Variants in SRGAP3 observed in about 807,000 individuals in gnomAD.
SRGAP3 encodes SLIT-ROBO Rho GTPase activating protein 3.
SRGAP3 carries 39 observed loss-of-function variants against 121.1 expected under a neutral mutation model. The ratio of observed to expected loss-of-function variants is 0.32; its 90% CI spans 0.25 to 0.42. The LOEUF (loss-of-function observed/expected upper bound fraction) is 0.42, where lower values mean the gene tolerates loss of function less well. Ranked by LOEUF, SRGAP3 falls within the 10% of genes least tolerant of loss-of-function variation. SRGAP3 has a pLI of 1.00. For missense variants in SRGAP3, 1,213 were observed against 1,470.6 expected (o/e 0.82, Z 2.86); for synonymous variants, 601 against 570.0 (o/e 1.05, Z -0.77).
At chr3:9,237,279 G>A (rs1953448643) in intron 1 of SRGAP3, among the ~76,000 whole-genome samples, 1 of 152,318 alleles carries the variant, frequency 6.6e-6, no homozygotes, top group African/African-American at 2.4e-5. Context: ...TATGTCTGGA[G>A]ACATTTTTGA....
intron 4 of SRGAP3, among the ~76,000 whole-genome samples, chr3:9,074,060 A>C (rs1946843770): frequency 6.6e-6 from 1 of 152,140 alleles, no homozygotes; most frequent in Non-Finnish European, 1.5e-5. Context: ...AATATTAAAC[A>C]ATTTTTTTAA....
intron 2 of SRGAP3, among the ~76,000 whole-genome samples, chr3:9,329,716 C>T (rs1358796624): frequency 6.6e-6 from 1 of 152,166 alleles, no homozygotes; most frequent in East Asian, 1.9e-4. Flanking sequence ...TTCAGGTGGC[C>T]ACTTGTTAGC....
rs1941393410 is a variant in SRGAP3, at chr3:8,981,051, A to G, written c.*4468T>C. 1 of 233,114 alleles carries G rather than the reference A, an allele frequency of 4.3e-6. No homozygotes were observed. The highest frequency in any genetic ancestry group is 2.2e-5 in the African/African-American group (1 of 45,440). 14.4% of individuals were successfully genotyped at this position (233,114 alleles called of 1,614,324 possible). A position where few individuals can be genotyped will look rare whatever the true frequency, so the allele number is the denominator to read the frequency against. Reference sequence around the variant, plus strand: ...ACTCACACAGAAAGGAGGTGTCAACAAGGGGCAGCGATGGCCATGTGGCCA... The same window carrying G: ...ACTCACACAGAAAGGAGGTGTCAACGAGGGGCAGCGATGGCCATGTGGCCA... On this transcript the variant is annotated 3_prime_UTR_variant, in exon 22 of 22. Coordinates refer to ENST00000383836, the MANE Select transcript of SRGAP3 (RefSeq NM_014850.4).
Position 8,983,354 on chromosome 3 carries a change from C to T in SRGAP3, c.*2165G>A, listed in dbSNP as rs1378035372. 1 of 229,140 alleles carries T rather than the reference C, an allele frequency of 4.4e-6. No homozygotes were observed. Among genetic ancestry groups the T allele is most frequent in the African/African-American group, 2.2e-5 (1 of 45,098 alleles). 14.2% of individuals were successfully genotyped at this position (229,140 alleles called of 1,614,324 possible). On this transcript the variant is annotated 3_prime_UTR_variant, in exon 22 of 22. Transcript: ENST00000383836. ...GCCAAACAAGGGAGGTCAAGTTTGA[C>T]ACTGGCCTCTCCCTGAGATCCCTTT...
chr3:9,314,418 G>A (rs1955308089), intron 3 of SRGAP3, among the ~76,000 whole-genome samples: 1 of 151,984 alleles, frequency 6.6e-6, no homozygotes, highest in South Asian at 2.1e-4. Context: ...AAGACAGAAG[G>A]GAGACAGGAG....
chr3:9,127,975 A>G (rs548066460), intron 1 of SRGAP3, among the ~76,000 whole-genome samples: 254 of 152,106 alleles, frequency 1.7e-3, no homozygotes, highest in African/African-American at 5.8e-3. Flanking sequence ...AGGAGAAGAA[A>G]TACAGAATCA....
At chr3:9,089,561 C>G (rs899660171) in intron 3 of SRGAP3, among the ~76,000 whole-genome samples, 2 of 152,212 alleles carry the variant, frequency 1.3e-5, no homozygotes, top group Non-Finnish European at 2.9e-5. Flanking sequence ...CACCACCTAC[C>G]TGTCCAATGC....
At chr3:9,352,916 T>C (rs1261589486) in intron 1 of SRGAP3, among the ~76,000 whole-genome samples, 1 of 152,262 alleles carries the variant, frequency 6.6e-6, no homozygotes, top group Non-Finnish European at 1.5e-5. Flanking sequence ...TGTTGTTCCC[T>C]GAGTGTCCTG....
chr3:9,344,442 C>T (rs1955847603), intron 1 of SRGAP3, among the ~76,000 whole-genome samples: 2 of 151,948 alleles, frequency 1.3e-5, no homozygotes, highest in Non-Finnish European at 2.9e-5. Flanking sequence ...GCAACAGAGA[C>T]TCCGTCTCAA....
chr3:9,193,099 T>C (rs1951809208), intron 1 of SRGAP3: 1 of 152,020 alleles, frequency 6.6e-6, no homozygotes, highest in Non-Finnish European at 1.5e-5. Flanking sequence ...AATTAGACTG[T>C]GGGGTGAGGG....
At position 9,360,808 on chromosome 3, in the gene SRGAP3, G is replaced by A. The variant is rs190764195; in HGVS notation, n.214+2032C>T. Among the ~76,000 whole-genome samples the A allele has an allele frequency of 1.2e-3, 188 of 152,278 alleles. 2 individuals are homozygous for A. The highest frequency in any genetic ancestry group is 4.5e-3 in the African/African-American group (185 of 41,544). On this transcript the variant is annotated intron_variant and non_coding_transcript_variant, in intron 1 of 3. Transcript: ENST00000490889. ...ACTGGGTCCCTCCCACAATATATGGGAATTATGGGAGTATACTTCAAGATG... is the reference window on the plus strand; with the variant it reads ...ACTGGGTCCCTCCCACAATATATGGAAATTATGGGAGTATACTTCAAGATG...
chr3:8,982,837 A>G lies in SRGAP3; in HGVS notation c.*2682T>C, dbSNP rs1043951. 28,852 of 214,246 alleles carry G rather than the reference A, an allele frequency of 0.13. 2,537 individuals carry two copies. The highest frequency in any genetic ancestry group is 0.29 in the African/African-American group (11,948 of 41,888). 13.3% of individuals were successfully genotyped at this position (214,246 alleles called of 1,614,324 possible). A position where few individuals can be genotyped will look rare whatever the true frequency, so the allele number is the denominator to read the frequency against. ...AATGTGAACTCATCAGCCATTTCCCAATGGAAAAAAAAAAAAAAGGTGCTT... is the reference window on the plus strand; with the variant it reads ...AATGTGAACTCATCAGCCATTTCCCGATGGAAAAAAAAAAAAAAGGTGCTT... On this transcript the variant is annotated 3_prime_UTR_variant, in exon 22 of 22. Coordinates refer to ENST00000383836, the MANE Select transcript of SRGAP3 (RefSeq NM_014850.4).
intron 3 of SRGAP3, among the ~76,000 whole-genome samples, chr3:9,287,300 A>G (rs1954793426): frequency 6.6e-6 from 1 of 151,386 alleles, no homozygotes; most frequent in Non-Finnish European, 1.5e-5. Flanking sequence ...GCACATTAAC[A>G]CTCTTTTGAT....
intron 15 of SRGAP3, chr3:9,014,186 G>C: frequency 2.6e-6 from 1 of 391,100 alleles, no homozygotes; most frequent in Non-Finnish European, 4.9e-6. Flanking sequence ...GAGTGAAGCT[G>C]GCATAGAGCC....
At chr3:9,114,133 G>A (rs1258607665) in intron 2 of SRGAP3, among the ~76,000 whole-genome samples, 1 of 152,078 alleles carries the variant, frequency 6.6e-6, no homozygotes, top group Non-Finnish European at 1.5e-5. Flanking sequence ...AAGAGGCTGG[G>A]GTTCAAATGC....
At chr3:9,121,556 C>G (rs182247254) in intron 2 of SRGAP3, among the ~76,000 whole-genome samples, 1 of 152,172 alleles carries the variant, frequency 6.6e-6, no homozygotes. Context: ...TGGCCTGGGC[C>G]GGCACCCTAA....
At chr3:9,208,570 A>G (rs552019169) in intron 1 of SRGAP3, among the ~76,000 whole-genome samples, 1 of 152,352 alleles carries the variant, frequency 6.6e-6, no homozygotes, top group East Asian at 1.9e-4. Flanking sequence ...TAGGACCCAC[A>G]GATCTTGCCA....
intron 1 of SRGAP3, among the ~76,000 whole-genome samples, chr3:9,154,730 G>C (rs975813909): frequency 9.9e-5 from 15 of 152,090 alleles, no homozygotes; most frequent in African/African-American, 3.6e-4. Flanking sequence ...TTTGTTGCAA[G>C]CTCTCAAAAG....
intron 1 of SRGAP3, among the ~76,000 whole-genome samples, chr3:9,339,702 C>T (rs992990731): frequency 7.9e-5 from 12 of 152,158 alleles, no homozygotes; most frequent in African/African-American, 2.9e-4. Context: ...TAATTTCAAA[C>T]CCTGGGTGGG....
Sources: allele counts gnomAD v4.1 joint callset (sites outside exome capture counted in the v4.1 genomes callset), GRCh38; gene constraint gnomAD v4.1.1; transcripts MANE v1.5; gene names NCBI Gene and HGNC (gene_info 2026-07-23, HGNC 2026-07-21).